The following RPN2 variants were observed in gnomAD, a reference collection of about 807,000 sequenced individuals.
The protein encoded by RPN2 is ribophorin II, also known as dolichyl-diphosphooligosaccharide--protein glycosyltransferase subunit 2.
A neutral mutation model predicts 71.4 loss-of-function variants in RPN2; 29 were observed. The observed-to-expected ratio is 0.41, with a 90% CI of 0.30 to 0.55. The LOEUF (loss-of-function observed/expected upper bound fraction) is 0.55, where lower values mean the gene tolerates loss of function less well. RPN2 is among the 20% of genes least tolerant of loss of function. The pLI is 0.35. For missense variants in RPN2, 726 were observed against 774.1 expected, an observed-to-expected ratio of 0.94 and a Z score of 0.74; for synonymous variants, 308 against 305.0, an observed-to-expected ratio of 1.01 and a Z score of -0.10.
chr20:37,199,329 C>G, intron 4 of RPN2, 104 bp downstream of exon 4: 4 of 1,407,262 alleles, frequency 2.8e-6, no homozygotes, highest in Non-Finnish European at 2.9e-6. Flanking sequence ...CAAGTACTTG[C>G]AGTAAATACT....
At chr20:37,238,659 G>C in intron 16 of RPN2, 1 of 738,814 alleles carries the variant, frequency 1.4e-6, no homozygotes, top group South Asian at 1.4e-5. Context: ...CCCAGCTGAT[G>C]GGATAACTTT....
At position 37,211,992 on chromosome 20, in the gene RPN2, G is replaced by A. The variant is rs372432685; in HGVS notation, c.987-1768G>A. On this transcript the variant is annotated intron_variant, in intron 8 of 16. Transcript: ENST00000237530. ...CAGCCTCCGAGTGGCTGGGATTATA[G>A]GCGTGTGACCTCAGGTGATCCTCCC... 1.1e-4 allele frequency among the ~76,000 whole-genome samples: 16 copies of A among 152,204 alleles called. No individual in the cohort carries two copies. In the East Asian group the frequency reaches 1.7e-3, roughly 17 times the overall value.
Position 37,212,425 on chromosome 20 carries a change from GA to G in RPN2, c.987-1328del, listed in dbSNP as rs554263287. Among the ~76,000 whole-genome samples, 104 of 151,560 alleles carry G rather than the reference GA, an allele frequency of 6.9e-4. 1 individual carries two copies. Among genetic ancestry groups the G allele is most frequent in the African/African-American group, 2.4e-3 (98 of 41,386 alleles). On this transcript the variant is annotated intron_variant, in intron 8 of 16. Transcript: ENST00000237530. ...AACATAGTAAGACCTGTTTCTAAAA[GA>G]AAAAAATTAAGGGTCAATTTTTATA...
At chr20:37,198,585 A>C in intron 3 of RPN2, 93 bp downstream of exon 3, 1 of 1,577,988 alleles carries the variant, frequency 6.3e-7, no homozygotes, top group Non-Finnish European at 8.6e-7. Flanking sequence ...TTTTTTAATT[A>C]TGAGAGTCCA....
chr20:37,180,454 T>C (rs1260266288), intron 1 of RPN2, among the ~76,000 whole-genome samples: 1 of 152,216 alleles, frequency 6.6e-6, no homozygotes. Context: ...ACCTAACATA[T>C]TAAGTGCTCA....
chr20:37,198,516 C>G, intron 3 of RPN2, 24 bp downstream of exon 3: 1 of 1,614,106 alleles, frequency 6.2e-7, no homozygotes, highest in Non-Finnish European at 8.5e-7. Context: ...CCTACGCTGA[C>G]AATGACTTTA....
chr20:37,215,618 C>T (rs1249450921), intron 9 of RPN2, among the ~76,000 whole-genome samples: 1 of 152,074 alleles, frequency 6.6e-6, no homozygotes, highest in Non-Finnish European at 1.5e-5. Flanking sequence ...TTCTTAACCC[C>T]TTCCTTTCTT....
intron 2 of RPN2, among the ~76,000 whole-genome samples, chr20:37,197,712 C>T (rs983871057): frequency 2.0e-5 from 3 of 152,096 alleles, no homozygotes; most frequent in African/African-American, 7.2e-5. Flanking sequence ...AGTCCTCCTA[C>T]CTCAGCCTCC....
intron 1 of RPN2, among the ~76,000 whole-genome samples, chr20:37,183,490 C>T (rs2006001): frequency 0.82 from 124,549 of 152,144 alleles, 51,677 homozygotes; most frequent in Middle Eastern, 0.93. Flanking sequence ...AGTGCTGGCC[C>T]GGCCAGATCT....
At chr20:37,222,259 TG>T (rs966104573) in intron 9 of RPN2, among the ~76,000 whole-genome samples, 5 of 152,180 alleles carry the variant, frequency 3.3e-5, no homozygotes, top group African/African-American at 9.7e-5. Flanking sequence ...CCTCCTCCAC[TG>T]CCATAATTTC....
chr20:37,238,464 C>T (rs555860155), intron 16 of RPN2: 41 of 1,584,952 alleles, frequency 2.6e-5, no homozygotes, highest in East Asian at 1.4e-4. Flanking sequence ...AGATGAAGGG[C>T]GGACTCATCC....
chr20:37,238,590 G>A, intron 16 of RPN2: 1 of 734,216 alleles, frequency 1.4e-6, no homozygotes, highest in East Asian at 2.6e-5. Context: ...TTCTGAGGCT[G>A]CTTTTCAACT....
chr20:37,182,063 G>A (rs1206875196), intron 1 of RPN2, among the ~76,000 whole-genome samples: 1 of 151,754 alleles, frequency 6.6e-6, no homozygotes, highest in Non-Finnish European at 1.5e-5. Context: ...CCACGTGATA[G>A]ATTTTTTCTT....
chr20:37,207,360 G>A lies in RPN2; in HGVS notation c.778G>A (p.Ala260Thr), dbSNP rs1242809662. The A allele has an allele frequency of 1.2e-6, 2 of 1,614,006 alleles. No homozygotes were observed. Among genetic ancestry groups the A allele is most frequent in the African/African-American group, 2.7e-5 (2 of 74,950 alleles). ...AGCCTTCAGCGTGGCCTCTGCAGCTGCTGTGCTCTCGCATAATCGCTACCA... is the reference window on the plus strand; with the variant it reads ...AGCCTTCAGCGTGGCCTCTGCAGCTACTGTGCTCTCGCATAATCGCTACCA... Reference protein sequence around the residue: ...SEAFSVASAAAVLSHNRYHVP... With the variant: ...SEAFSVASAATVLSHNRYHVP... Residue 260 changes from alanine (A) to threonine (T), a missense_variant, in exon 7 of 17, where the codon GCT (alanine) becomes ACT (threonine). By Grantham distance (58) the Ala-to-Thr change is moderately conservative (BLOSUM62 0). Coordinates refer to ENST00000237530, the MANE Select transcript of RPN2 (RefSeq NM_002951.5).
chr20:37,213,847 T>C lies in RPN2; in HGVS notation c.1074T>C (p.Tyr358=). ...FLVEVEGDNR[Y]IANTVELRVK... ...TCGAAGTTGAAGGTGACAACCGGTATATTGCAAATACCGTAGAGGTAGGTG... is the reference window on the plus strand; with the variant it reads ...TCGAAGTTGAAGGTGACAACCGGTACATTGCAAATACCGTAGAGGTAGGTG... The change falls in exon 9 of 17, where the codon TAT becomes TAC. Residue 358 remains tyrosine, a synonymous_variant. Transcript: ENST00000237530. 1 of 1,613,200 alleles carries C rather than the reference T, an allele frequency of 6.2e-7. No homozygotes were observed. The highest frequency in any genetic ancestry group is 8.5e-7 in the Non-Finnish European group (1 of 1,179,106).
intron 6 of RPN2, among the ~76,000 whole-genome samples, chr20:37,205,190 C>T (rs907727507): frequency 6.6e-6 from 1 of 151,984 alleles, no homozygotes; most frequent in African/African-American, 2.4e-5. Flanking sequence ...TGTTTCATCT[C>T]CCTTTCTTCC....
At chr20:37,225,033 G>A (rs1367331445) in intron 10 of RPN2, among the ~76,000 whole-genome samples, 2 of 152,168 alleles carry the variant, frequency 1.3e-5, no homozygotes, top group African/African-American at 4.8e-5. Context: ...ATAAAGCCAG[G>A]TCTGAGCTCT....
At chr20:37,236,483 C>A in intron 15 of RPN2, 97 bp from the exon 16 acceptor site, 1 of 1,334,170 alleles carries the variant, frequency 7.5e-7, no homozygotes, top group Non-Finnish European at 1.1e-6. Context: ...GAGTACAGAC[C>A]TTTTCATGAT....
chr20:37,186,728 C>T (rs2067017706), intron 2 of RPN2, among the ~76,000 whole-genome samples: 1 of 152,230 alleles, frequency 6.6e-6, no homozygotes, highest in African/African-American at 2.4e-5. Context: ...AAGGTCTACA[C>T]ATTCCATTTT....
Sources: gnomAD v4.1 joint callset for allele counts (sites outside exome capture counted in the v4.1 genomes callset) on GRCh38, gnomAD v4.1.1 for gene constraint, MANE v1.5 for transcripts, NCBI Gene and HGNC (gene_info 2026-07-23, HGNC 2026-07-21) for gene names.